Variants in OCIAD2 observed in about 807,000 individuals in gnomAD.
The protein encoded by OCIAD2 is OCIA domain-containing protein 2.
In OCIAD2, 29 loss-of-function variants were observed where a neutral mutation model predicts 22.9. The ratio of observed to expected loss-of-function variants is 1.27; its 90% CI spans 0.94 to 1.73. The LOEUF (loss-of-function observed/expected upper bound fraction) is 1.73. Among genes scored for constraint, OCIAD2 ranks in the 40% most tolerant of loss-of-function variants. The pLI, the probability that OCIAD2 is intolerant of heterozygous loss-of-function variation, is 0.00. For synonymous variants in OCIAD2, 67 were observed against 60.2 expected (o/e 1.11, Z -0.52); for missense variants, 189 against 180.3 (o/e 1.05, Z -0.28).
intron 2 of OCIAD2, among the ~76,000 whole-genome samples, chr4:48,900,559 C>T (rs551832851): frequency 3.3e-5 from 5 of 149,992 alleles, no homozygotes; most frequent in Non-Finnish European, 7.4e-5. Context: ...TTTATTAGTT[C>T]TGTAGTATTT....
intron 4 of OCIAD2, 75 bp from the exon 5 acceptor site, chr4:48,894,128 C>A (rs1202840052): frequency 2.6e-6 from 2 of 762,210 alleles, no homozygotes; most frequent in Admixed American, 3.8e-5. Context: ...ATAAGTTATT[C>A]TTAAAGTATA....
chr4:48,893,030 CTATT>C (rs1382687280), intron 5 of OCIAD2, 141 bp from the exon 6 acceptor site: 1 of 555,312 alleles, frequency 1.8e-6, no homozygotes, highest in African/African-American at 2.0e-5. Context: ...AATGAAGTCT[CTATT>C]TAAAAAGAAC....
intron 2 of OCIAD2, among the ~76,000 whole-genome samples, chr4:48,902,417 G>A (rs1401786738): frequency 6.6e-6 from 1 of 152,202 alleles, no homozygotes; most frequent in African/African-American, 2.4e-5. Context: ...TCTACAAACA[G>A]TCCAAATGGG....
At chr4:48,898,044 C>T (rs952597500) in intron 3 of OCIAD2, among the ~76,000 whole-genome samples, 187 bp from the exon 4 acceptor site, 1 of 152,168 alleles carries the variant, frequency 6.6e-6, no homozygotes, top group African/African-American at 2.4e-5. Flanking sequence ...GGAATCTTCT[C>T]CAGTCACTTA....
At chr4:48,885,833 G>GT (rs1780970908) in intron 6 of OCIAD2, among the ~76,000 whole-genome samples, 1 of 152,182 alleles carries the variant, frequency 6.6e-6, no homozygotes, top group South Asian at 2.1e-4. Flanking sequence ...CACTAGCCTT[G>GT]TTTTTTCAGA....
rs1345440063 is a variant in OCIAD2, at chr4:48,893,087, G to A, written c.266-198C>T. On this transcript the variant is annotated intron_variant, in intron 5 of 6. Transcript: ENST00000508632. ...ACTTCCCCATCTCAACTTTGCACTG[G>A]TGGTGGAAGGGCCAGGACAGAGCAA... The A allele has an allele frequency of 7.0e-6, 3 of 430,832 alleles. No homozygotes were observed. The Admixed American group carries it at 1.3e-4, about 18-fold the overall frequency. The allele number at this position is 430,832 out of a possible 1,614,324, so 26.7% of individuals were successfully genotyped here.
chr4:48,890,045 G>A (rs1212362425), intron 6 of OCIAD2, among the ~76,000 whole-genome samples: 4 of 143,904 alleles, frequency 2.8e-5, no homozygotes, highest in African/African-American at 1.0e-4. Flanking sequence ...TCATAGGTGG[G>A]AACTGAACAA....
At chr4:48,893,955 T>TACAG in intron 5 of OCIAD2, 51 bp downstream of exon 5, 1 of 1,236,868 alleles carries the variant, frequency 8.1e-7, no homozygotes. Flanking sequence ...GTGCTGGGAT[T>TACAG]ACAGATGTGA....
chr4:48,888,506 T>G (rs1214917587), intron 6 of OCIAD2, among the ~76,000 whole-genome samples: 2 of 152,330 alleles, frequency 1.3e-5, no homozygotes, highest in African/African-American at 4.8e-5. Flanking sequence ...TTGAGATACA[T>G]CCCATCAATA....
chr4:48,896,690 T>C (rs925566233), intron 4 of OCIAD2, among the ~76,000 whole-genome samples: 12 of 152,130 alleles, frequency 7.9e-5, no homozygotes, highest in African/African-American at 2.7e-4. Context: ...TCCCAGGTAC[T>C]CAGGAGGTCT....
intron 6 of OCIAD2, 70 bp from the exon 7 acceptor site, chr4:48,885,635 A>G: frequency 1.3e-6 from 1 of 776,714 alleles, no homozygotes; most frequent in South Asian, 1.6e-5. Flanking sequence ...TACATAACAT[A>G]TTATTCTTAT....
intron 5 of OCIAD2, chr4:48,893,600 G>C (rs914763827): frequency 6.5e-6 from 1 of 154,446 alleles, no homozygotes; most frequent in African/African-American, 2.4e-5. Context: ...ATCATGCAGA[G>C]GCTCTGCTAT....
chr4:48,904,278 C>T (rs1297992169), intron 2 of OCIAD2, among the ~76,000 whole-genome samples: 1 of 151,982 alleles, frequency 6.6e-6, no homozygotes, highest in Admixed American at 6.6e-5. Flanking sequence ...ATAGTGAGAC[C>T]TCATGTCTAA....
At chr4:48,893,676 A>T in intron 5 of OCIAD2, 1 of 173,096 alleles carries the variant, frequency 5.8e-6, no homozygotes, top group Non-Finnish European at 1.2e-5. Context: ...TCTAAGAAGA[A>T]GTCCCAACTG....
intron 3 of OCIAD2, among the ~76,000 whole-genome samples, chr4:48,898,888 A>T (rs1781358211): frequency 6.6e-6 from 1 of 152,190 alleles, no homozygotes; most frequent in African/African-American, 2.4e-5. Context: ...TTCAACAAAG[A>T]CAAATCAAAT....
chr4:48,890,395 T>C (rs541693580), intron 6 of OCIAD2, among the ~76,000 whole-genome samples: 3 of 152,310 alleles, frequency 2.0e-5, no homozygotes, highest in Non-Finnish European at 4.4e-5. Context: ...ACATCTTGAT[T>C]CTTTTTGAAT....
chr4:48,904,539 G>A lies in OCIAD2; in HGVS notation c.11C>T (p.Ala4Val), dbSNP rs185509846. Residue 4 changes from alanine to valine, a missense_variant, in exon 2 of 7, where the codon GCG becomes GTG. Physicochemically the swap from Ala to Val is moderately conservative, Grantham distance 64 (BLOSUM62 0). Coordinates refer to ENST00000508632, the MANE Select transcript of OCIAD2 (RefSeq NM_001014446.3). Reference sequence around the variant, plus strand: ...TTTATCTTGGTTTCCACGAGCAGACGCTGAAGCCATGATGACTTTGTGCTT... The same window carrying A: ...TTTATCTTGGTTTCCACGAGCAGACACTGAAGCCATGATGACTTTGTGCTT... The part of the protein sequence containing the change: MAS[A>V]SARGNQDKDA... The A allele has an allele frequency of 7.7e-5, 124 of 1,613,966 alleles. No individual in the cohort carries two copies. The highest frequency in any genetic ancestry group is 7.3e-4 in the Admixed American group (44 of 60,016).
intron 4 of OCIAD2, among the ~76,000 whole-genome samples, chr4:48,897,475 C>T (rs1268663988): frequency 6.6e-6 from 1 of 152,150 alleles, no homozygotes; most frequent in African/African-American, 2.4e-5. Flanking sequence ...ATCTTCAGAT[C>T]CCGCCTTTCA....
intron 4 of OCIAD2, among the ~76,000 whole-genome samples, chr4:48,894,858 C>G (rs1198394329): frequency 6.6e-6 from 1 of 151,952 alleles, no homozygotes; most frequent in Non-Finnish European, 1.5e-5. Flanking sequence ...TTAGAGATAC[C>G]CACATCCGAA....
Sources: allele counts gnomAD v4.1 joint callset (sites outside exome capture counted in the v4.1 genomes callset), GRCh38; gene constraint gnomAD v4.1.1; transcripts MANE v1.5; gene names NCBI Gene and HGNC (gene_info 2026-07-23, HGNC 2026-07-21).